Variants in GRIK2 observed in about 807,000 individuals in gnomAD.
GRIK2 encodes the protein glutamate receptor ionotropic, kainate 2.
Under a neutral mutation model 100.3 loss-of-function variants are expected in GRIK2, and 32 were observed. The ratio of observed to expected loss-of-function variants is 0.32; its 90% CI spans 0.24 to 0.43. The LOEUF is 0.43. Among genes scored for constraint, GRIK2 ranks in the 20% least tolerant of loss-of-function variants. The pLI is 1.00. For missense variants in GRIK2, 843 were observed against 1,114.9 expected (o/e 0.76, Z 3.47); for synonymous variants, 417 against 389.4 (o/e 1.07, Z -0.83).
Position 101,490,206 on chromosome 6 carries a change from AT to A in GRIK2, c.115+90815del, listed in dbSNP as rs1773033249. ...AAGTATTTAGAACTTACTACATATT[AT>A]GCAACATACTGTGCTATGCTAAACA... On this transcript the variant is annotated intron_variant, in intron 2 of 16. Coordinates refer to ENST00000369134, the MANE Select transcript of GRIK2 (RefSeq NM_021956.5). Among the ~76,000 whole-genome samples the A allele has an allele frequency of 2.0e-5, 3 of 147,126 alleles. 1 individual carries two copies. The highest frequency in any genetic ancestry group is 3.0e-5 in the Non-Finnish European group (2 of 66,726).
At chr6:102,032,006 AG>A (rs1249615473) in intron 14 of GRIK2, among the ~76,000 whole-genome samples, 2 of 151,312 alleles carry the variant, frequency 1.3e-5, no homozygotes, top group Non-Finnish European at 1.5e-5. Flanking sequence ...ATGGTTTGGG[AG>A]TTTTTAAGGG....
At chr6:101,877,327 C>T (rs1785927628) in intron 11 of GRIK2, among the ~76,000 whole-genome samples, 1 of 151,902 alleles carries the variant, frequency 6.6e-6, no homozygotes, top group Admixed American at 6.6e-5. Flanking sequence ...TGTGTCTGTA[C>T]TGAACATGCA....
chr6:101,862,716 TGC>T (rs1351982688), intron 11 of GRIK2, among the ~76,000 whole-genome samples: 1 of 152,142 alleles, frequency 6.6e-6, no homozygotes, highest in East Asian at 1.9e-4. Context: ...TGAGCCACTG[TGC>T]CTGGCTTCAA....
At chr6:101,913,881 C>G (rs1324447926) in intron 12 of GRIK2, among the ~76,000 whole-genome samples, 1 of 151,410 alleles carries the variant, frequency 6.6e-6, no homozygotes, top group Non-Finnish European at 1.5e-5. Context: ...TATGACTCAG[C>G]TTTCTAAAGC....
At chr6:101,897,710 A>C (rs1787561703) in intron 12 of GRIK2, among the ~76,000 whole-genome samples, 1 of 151,978 alleles carries the variant, frequency 6.6e-6, no homozygotes, top group Admixed American at 6.6e-5. Flanking sequence ...CCAGTGACAT[A>C]AAGATAATGA....
chr6:101,773,741 ACT>A (rs1778558163), intron 7 of GRIK2, among the ~76,000 whole-genome samples: 2 of 152,132 alleles, frequency 1.3e-5, no homozygotes, highest in Non-Finnish European at 2.9e-5. Context: ...TCTTACAACA[ACT>A]CTGTGAGGTA....
rs1265246656 is a variant in GRIK2 at position 101,476,379 on chromosome 6, A to G, written c.115+76987A>G. 2.0e-5 allele frequency among the ~76,000 whole-genome samples: 3 copies of G among 152,128 alleles called. No homozygotes were observed. In the East Asian group the frequency reaches 5.8e-4, roughly 29 times the overall value. ...GGAGGAAAAGATGTGAAAAATGCAC[A>G]TATTCTCAAGATAAGAAGCCAGCTC... is the stretch of plus-strand genomic sequence containing the variant. On this transcript the variant is annotated intron_variant, in intron 2 of 16. Coordinates refer to ENST00000369134, the MANE Select transcript of GRIK2 (RefSeq NM_021956.5).
At position 102,069,046 on chromosome 6, in the gene GRIK2, G is replaced by GA. The variant is rs1471649251; in HGVS notation, c.*541dup. The GA allele has an allele frequency of 1.3e-5, 2 of 151,408 alleles. No individual in the cohort carries two copies. Among genetic ancestry groups the GA allele is most frequent in the Admixed American group, 6.6e-5 (1 of 15,126 alleles). 9.4% of individuals were successfully genotyped at this position (151,408 alleles called of 1,614,324 possible). ...TGCAAAGTATGTGTTTATAGGATGT[G>GA]AAAAAATGTAATGCAAAACAAATTT... On this transcript the variant is annotated 3_prime_UTR_variant, in exon 17 of 17. Transcript: ENST00000369134.
rs3056161 is a variant in GRIK2 at position 101,592,588 on chromosome 6, C to CATATATATATATAT, written c.116-29338_116-29325dup. ...TCATGGGATAGAATTACTAATATCA[C>CATATATATATATAT]ATATATATATATATATATATATATA... On this transcript the variant is annotated intron_variant, in intron 2 of 16. Transcript: ENST00000369134. Among the ~76,000 whole-genome samples, 589 of 101,758 alleles carry CATATATATATATAT rather than the reference C, an allele frequency of 5.8e-3. 6 individuals carry two copies. The highest frequency in any genetic ancestry group is 6.8e-3 in the African/African-American group (175 of 25,760). The allele number at this position is 101,758 out of a possible 152,430, so 66.8% of individuals were successfully genotyped here.
chr6:101,652,282 A>C (rs1267266655), intron 4 of GRIK2, among the ~76,000 whole-genome samples: 1 of 152,116 alleles, frequency 6.6e-6, no homozygotes, highest in Non-Finnish European at 1.5e-5. Flanking sequence ...TCATGAATGG[A>C]ATTAGTGTCC....
intron 4 of GRIK2, among the ~76,000 whole-genome samples, chr6:101,667,785 G>T (rs1432058482): frequency 6.6e-6 from 1 of 152,062 alleles, no homozygotes; most frequent in African/African-American, 2.4e-5. Context: ...ATAATCAAGA[G>T]ATTTTAATAT....
chr6:101,721,709 A>G (rs955543485), intron 7 of GRIK2, among the ~76,000 whole-genome samples: 2 of 152,004 alleles, frequency 1.3e-5, no homozygotes, highest in Admixed American at 6.6e-5. Flanking sequence ...TTTTAAAACT[A>G]TACCACTTTC....
At chr6:101,833,569 A>T (rs1782844996) in intron 10 of GRIK2, among the ~76,000 whole-genome samples, 1 of 152,124 alleles carries the variant, frequency 6.6e-6, no homozygotes, top group African/African-American at 2.4e-5. Context: ...GCTCAAGAAA[A>T]CCTTTTATTT....
chr6:101,777,549 A>G (rs979466356), intron 7 of GRIK2, among the ~76,000 whole-genome samples: 3 of 152,148 alleles, frequency 2.0e-5, no homozygotes, highest in African/African-American at 7.2e-5. Flanking sequence ...TTAGATCATC[A>G]TATTTAATTT....
intron 12 of GRIK2, among the ~76,000 whole-genome samples, chr6:101,919,651 T>G (rs1197313756): frequency 2.0e-5 from 3 of 151,878 alleles, no homozygotes; most frequent in Non-Finnish European, 3.0e-5. Flanking sequence ...GTTAAGTGAT[T>G]AAGGAAGAAG....
chr6:101,652,510 G>A (rs1385171033), intron 4 of GRIK2, among the ~76,000 whole-genome samples: 3 of 152,188 alleles, frequency 2.0e-5, no homozygotes, highest in Admixed American at 6.6e-5. Flanking sequence ...TAATTAAGGC[G>A]GGGGCAAGGA....
intron 7 of GRIK2, among the ~76,000 whole-genome samples, chr6:101,779,421 A>G (rs1172884839): frequency 1.3e-5 from 2 of 152,248 alleles, no homozygotes; most frequent in Non-Finnish European, 2.9e-5. Context: ...GTTCTTTTCA[A>G]GCCAGCCATT....
At chr6:102,029,501 C>T (rs1401324390) in intron 14 of GRIK2, among the ~76,000 whole-genome samples, 1 of 151,136 alleles carries the variant, frequency 6.6e-6, no homozygotes, top group Admixed American at 6.6e-5. Context: ...TTAACTTGTA[C>T]AGCTCCCATT....
intron 7 of GRIK2, among the ~76,000 whole-genome samples, chr6:101,759,883 A>G (rs28757883): frequency 7.5e-6 from 1 of 134,108 alleles, no homozygotes. Context: ...TTTTATTTTT[A>G]TTTTTTTTTG....
Sources: gnomAD v4.1 joint callset for allele counts (sites outside exome capture counted in the v4.1 genomes callset) on GRCh38, gnomAD v4.1.1 for gene constraint, MANE v1.5 for transcripts, NCBI Gene and HGNC (gene_info 2026-07-23, HGNC 2026-07-21) for gene names.